The following ARHGAP19 variants were observed in gnomAD, a reference collection of about 807,000 sequenced individuals.
ARHGAP19 encodes rho GTPase-activating protein 19.
In ARHGAP19, 48 loss-of-function variants were observed where a neutral mutation model predicts 60.9. The ratio of observed to expected loss-of-function variants is 0.79; its 90% CI spans 0.62 to 1.00. The LOEUF (loss-of-function observed/expected upper bound fraction) is 1.00, where lower values mean the gene tolerates loss of function less well. Among genes scored for constraint, ARHGAP19 ranks in the 50% least tolerant of loss-of-function variants. ARHGAP19 has a pLI of 0.00. For missense variants in ARHGAP19, 562 were observed against 597.2 expected, an observed-to-expected ratio of 0.94 and a Z score of 0.61; for synonymous variants, 209 against 215.5, an observed-to-expected ratio of 0.97 and a Z score of 0.27.
intron 8 of ARHGAP19, among the ~76,000 whole-genome samples, chr10:97,236,405 T>C (rs1842378587): frequency 6.6e-6 from 1 of 152,154 alleles, no homozygotes; most frequent in Non-Finnish European, 1.5e-5. Context: ...TCAAAGTTAA[T>C]TGTCTCGGCA....
chr10:97,270,533 CA>C, intron 1 of ARHGAP19: 1 of 1,298,158 alleles, frequency 7.7e-7, no homozygotes, highest in East Asian at 2.5e-5. Flanking sequence ...TAAGCAAAAA[CA>C]ACTTTCTACT....
intron 6 of ARHGAP19, 141 bp from the exon 7 acceptor site, chr10:97,246,478 C>T: frequency 1.6e-6 from 1 of 635,772 alleles, no homozygotes; most frequent in South Asian, 2.0e-5. Context: ...AATTCATAGC[C>T]CCTCCATAGC....
intron 8 of ARHGAP19, 78 bp from the exon 9 acceptor site, chr10:97,235,393 T>A: frequency 1.5e-6 from 2 of 1,303,294 alleles, no homozygotes; most frequent in Non-Finnish European, 2.2e-6. Flanking sequence ...AATAGCTAAG[T>A]GTAAATAAAA....
At chr10:97,243,712 A>G (rs1333455324) in intron 8 of ARHGAP19, among the ~76,000 whole-genome samples, 2 of 152,226 alleles carry the variant, frequency 1.3e-5, no homozygotes, top group African/African-American at 4.8e-5. Context: ...GTTATCTCTC[A>G]GCAAACTTGG....
chr10:97,248,283 G>A (rs978443773), intron 6 of ARHGAP19, among the ~76,000 whole-genome samples: 7 of 151,974 alleles, frequency 4.6e-5, no homozygotes, highest in Non-Finnish European at 7.4e-5. Context: ...GTGTGGTGGC[G>A]CTCACCTGTA....
chr10:97,266,203 C>T (rs893182008), intron 1 of ARHGAP19, 78 bp from the exon 2 acceptor site: 15 of 1,530,238 alleles, frequency 9.8e-6, no homozygotes, highest in African/African-American at 9.6e-5. Context: ...GTTATTTGGT[C>T]CTGACTCCAC....
chr10:97,228,960 A>C (rs1850950780), intron 11 of ARHGAP19, 187 bp downstream of exon 11: 2 of 700,928 alleles, frequency 2.9e-6, no homozygotes, highest in Non-Finnish European at 5.2e-6. Flanking sequence ...TTAGCACCCA[A>C]GACAATGCTG....
chr10:97,283,998 A>C lies in ARHGAP19; in HGVS notation c.56+8574T>G, dbSNP rs188326775. The stretch of plus-strand genomic sequence containing the variant: ...ACCCAGGCTGGAGCACAGTGGTGTC[A>C]TCATAGCTCACTGCAGCCTTAAGCT... On this transcript the variant is annotated intron_variant, in intron 1 of 11. Coordinates refer to ENST00000358531, the MANE Select transcript of ARHGAP19 (RefSeq NM_032900.6). Among the ~76,000 whole-genome samples, 20 of 151,698 alleles carry C rather than the reference A, an allele frequency of 1.3e-4. 1 individual carries two copies. In the East Asian group the frequency reaches 3.9e-3, roughly 29 times the overall value.
At chr10:97,246,207 G>T in intron 7 of ARHGAP19, 65 bp downstream of exon 7, 1 of 1,322,406 alleles carries the variant, frequency 7.6e-7, no homozygotes. Flanking sequence ...TTCATACTTT[G>T]TTTTAAGACT....
intron 1 of ARHGAP19, among the ~76,000 whole-genome samples, chr10:97,285,913 C>T (rs1843148685): frequency 6.6e-6 from 1 of 152,222 alleles, no homozygotes; most frequent in African/African-American, 2.4e-5. Flanking sequence ...CCAAAGTAAA[C>T]TTGTGCAACA....
At chr10:97,279,818 C>T (rs1050985764) in intron 1 of ARHGAP19, among the ~76,000 whole-genome samples, 2 of 152,106 alleles carry the variant, frequency 1.3e-5, no homozygotes, top group Admixed American at 6.6e-5. Flanking sequence ...TACAACTTAA[C>T]CAAAATTAAA....
chr10:97,263,423 C>A lies in ARHGAP19; in HGVS notation c.610G>T (p.Ala204Ser). 1.2e-6 allele frequency: 2 copies of A among 1,613,944 alleles called. No individual in the cohort carries two copies. Among genetic ancestry groups the A allele is most frequent in the East Asian group, 2.2e-5 (1 of 44,872 alleles). ...HKHFNAHLKI[A>S]DLMQFDDKGN... ...CCTTCTTACTTCCTATACTCACCAGCGATTTTGAGGTGTGCATTGAAGTGT... is the reference window on the plus strand; with the variant it reads ...CCTTCTTACTTCCTATACTCACCAGAGATTTTGAGGTGTGCATTGAAGTGT... The change falls in exon 4 of 12, where the codon GCT becomes TCT. Residue 204 changes from alanine (A) to serine (S), a missense_variant. Coordinates refer to ENST00000358531, the MANE Select transcript of ARHGAP19 (RefSeq NM_032900.6).
intron 9 of ARHGAP19, among the ~76,000 whole-genome samples, chr10:97,232,466 G>A (rs1851043316): frequency 6.6e-6 from 1 of 151,966 alleles, no homozygotes; most frequent in Non-Finnish European, 1.5e-5. Context: ...CGCGGCCTCT[G>A]CCCACTCTTT....
chr10:97,276,561 A>G (rs1428961640), intron 1 of ARHGAP19, among the ~76,000 whole-genome samples: 1 of 4,462 alleles, frequency 2.2e-4, no homozygotes, highest in African/African-American at 2.6e-4. Flanking sequence ...TGGGGGGGTC[A>G]GCCCCCCGCC....
intron 1 of ARHGAP19, among the ~76,000 whole-genome samples, chr10:97,285,686 A>G (rs1442600180): frequency 6.6e-6 from 1 of 151,766 alleles, no homozygotes; most frequent in Non-Finnish European, 1.5e-5. Context: ...ACACCCAGCT[A>G]ATTTTATATT....
At chr10:97,229,002 A>C (rs1468069) in intron 11 of ARHGAP19, 145 bp downstream of exon 11, 476,318 of 774,702 alleles carry the variant, frequency 0.61, 150,256 homozygotes, top group East Asian at 0.68. Flanking sequence ...CTGGTGAATG[A>C]ACTCAAGGGC....
At chr10:97,242,930 G>A (rs1362505129) in intron 8 of ARHGAP19, among the ~76,000 whole-genome samples, 1 of 152,150 alleles carries the variant, frequency 6.6e-6, no homozygotes, top group Non-Finnish European at 1.5e-5. Context: ...GATTACAGGT[G>A]TGAGCCACCG....
intron 8 of ARHGAP19, among the ~76,000 whole-genome samples, chr10:97,239,553 TGTGTGTGTGTGTGTG>T (rs1842441792): frequency 3.1e-3 from 32 of 10,302 alleles, no homozygotes; most frequent in Middle Eastern, 0.083. Flanking sequence ...AGAGAGAGGG[TGTGTGTGTGTGTGTG>T]TGTGTGTGTG....
intron 11 of ARHGAP19, among the ~76,000 whole-genome samples, chr10:97,226,513 T>A (rs994717886): frequency 6.6e-6 from 1 of 152,322 alleles, no homozygotes; most frequent in African/African-American, 2.4e-5. Context: ...AAACTGGGAA[T>A]GGAACCCAAG....
Sources: allele counts gnomAD v4.1 joint callset (sites outside exome capture counted in the v4.1 genomes callset), GRCh38; gene constraint gnomAD v4.1.1; transcripts MANE v1.5; gene names NCBI Gene and HGNC (gene_info 2026-07-23, HGNC 2026-07-21).